PRUNE2: variants seen among roughly 807,000 people sequenced by gnomAD.
PRUNE2 encodes prune homolog 2 with BCH domain, also known as protein prune homolog 2.
In PRUNE2, 164 loss-of-function variants were observed where a neutral mutation model predicts 252.0. That is an observed-to-expected ratio of 0.65 (90% CI 0.57 to 0.74). The LOEUF is 0.74. Ranked by LOEUF, PRUNE2 falls within the 30% of genes least tolerant of loss-of-function variation. The probability of loss-of-function intolerance (pLI) is 0.00; values close to 1 mark genes in which losing one functional copy is unlikely to be tolerated. For synonymous variants in PRUNE2, 1,292 were observed against 1,350.2 expected (o/e 0.96, Z 0.94); for missense variants, 3,495 against 3,711.0 (o/e 0.94, Z 1.51).
chr9:76,719,450 T>C (rs2047432048), intron 6 of PRUNE2, among the ~76,000 whole-genome samples: 1 of 152,162 alleles, frequency 6.6e-6, no homozygotes, highest in South Asian at 2.1e-4. Flanking sequence ...TATTGGTAAA[T>C]ATTTCCAAAT....
At chr9:76,632,549 T>G (rs1490347499) in intron 15 of PRUNE2, among the ~76,000 whole-genome samples, 1 of 152,194 alleles carries the variant, frequency 6.6e-6, no homozygotes, top group Non-Finnish European at 1.5e-5. Context: ...TGAAGCCAGC[T>G]GCTGTCAGTT....
chr9:76,677,977 G>A (rs895266388), intron 9 of PRUNE2, among the ~76,000 whole-genome samples: 3 of 152,192 alleles, frequency 2.0e-5, no homozygotes, highest in African/African-American at 7.2e-5. Context: ...ATATCTTTAT[G>A]CCAGCGTTTG....
chr9:76,653,490 G>A (rs1413797832), intron 10 of PRUNE2, among the ~76,000 whole-genome samples: 1 of 152,046 alleles, frequency 6.6e-6, no homozygotes, highest in Non-Finnish European at 1.5e-5. Flanking sequence ...AAAAAAGTTT[G>A]TACATGTTCA....
chr9:76,639,981 C>G (rs1223073089), intron 12 of PRUNE2, among the ~76,000 whole-genome samples: 2 of 152,162 alleles, frequency 1.3e-5, no homozygotes, highest in African/African-American at 2.4e-5. Flanking sequence ...GTCAGACCCC[C>G]ACAGGTAACT....
At chr9:76,792,037 C>T (rs1475149573) in intron 6 of PRUNE2, among the ~76,000 whole-genome samples, 1 of 152,004 alleles carries the variant, frequency 6.6e-6, no homozygotes, top group Admixed American at 6.5e-5. Context: ...GTTTCCTGTG[C>T]CTTTGTGCGA....
At chr9:76,732,057 G>A (rs1009391949) in intron 6 of PRUNE2, among the ~76,000 whole-genome samples, 1 of 152,214 alleles carries the variant, frequency 6.6e-6, no homozygotes, top group Non-Finnish European at 1.5e-5. Context: ...GCTCACGCCT[G>A]TAATCCCAGC....
Position 76,704,985 on chromosome 9 carries a change from A to G in PRUNE2, c.7289T>C (p.Val2430Ala), listed in dbSNP as rs757932353. ...TCTTCGATCAGGAAGTGCAGAAAGC[A>G]CTATCTCTGCTGCTCTGCATCCCAG... The part of the protein sequence containing the change: ...ESLGCRAAEI[V>A]LSALPDRRSE... Residue 2430 changes from valine to alanine, a missense_variant, in exon 8 of 19, where the codon GTG becomes GCG. Transcript: ENST00000376718. The G allele has an allele frequency of 1.9e-6, 3 of 1,613,654 alleles. No individual in the cohort carries two copies. The South Asian group carries it at 3.3e-5, about 18-fold the overall frequency.
rs145974400 is a variant in PRUNE2, at chr9:76,807,801, G to A, written c.756+15831C>T. On this transcript the variant is annotated intron_variant, in intron 6 of 18. Transcript: ENST00000376718. The stretch of plus-strand genomic sequence containing the variant: ...TTAGGGAGAATTAACTAAAGCTCTC[G>A]TCCCACTGGAAGCTGGGTAGCAGAA... Among the ~76,000 whole-genome samples, 507 of 152,308 alleles carry A rather than the reference G, an allele frequency of 3.3e-3. 4 individuals are homozygous for A. The highest frequency in any genetic ancestry group is 4.3e-3 in the Non-Finnish European group (294 of 68,030).
At chr9:76,676,324 G>A (rs1415215378) in intron 9 of PRUNE2, among the ~76,000 whole-genome samples, 7 of 148,274 alleles carry the variant, frequency 4.7e-5, no homozygotes, top group Non-Finnish European at 1.0e-4. Flanking sequence ...ATCAGTAAGG[G>A]AATGATTAAA....
chr9:76,849,924 A>G (rs2059866324), intron 3 of PRUNE2, among the ~76,000 whole-genome samples: 1 of 152,208 alleles, frequency 6.6e-6, no homozygotes, highest in Non-Finnish European at 1.5e-5. Context: ...TGAAATGCAA[A>G]AGTAAAAATG....
chr9:76,743,465 C>G (rs1369003521), intron 6 of PRUNE2, among the ~76,000 whole-genome samples: 1 of 152,144 alleles, frequency 6.6e-6, no homozygotes, highest in Non-Finnish European at 1.5e-5. Context: ...CTGACCGTCC[C>G]TCTATGGGGA....
chr9:76,886,884 G>A (rs1182585431), intron 1 of PRUNE2, among the ~76,000 whole-genome samples: 1 of 152,094 alleles, frequency 6.6e-6, no homozygotes, highest in Non-Finnish European at 1.5e-5. Flanking sequence ...AAAACTGGTG[G>A]TTTGGGGATT....
chr9:76,677,815 A>G lies in PRUNE2; in HGVS notation c.8277-22313T>C, dbSNP rs1486150002. 4.6e-5 allele frequency among the ~76,000 whole-genome samples: 7 copies of G among 152,128 alleles called. No homozygotes were observed. In the East Asian group the frequency reaches 1.3e-3, roughly 29 times the overall value. ...TGCAAGATCCGGGCAAATTCCTGGAATCCATTCCCCGAGGTCAGCATATGA... is the reference window on the plus strand; with the variant it reads ...TGCAAGATCCGGGCAAATTCCTGGAGTCCATTCCCCGAGGTCAGCATATGA... On this transcript the variant is annotated intron_variant, in intron 9 of 18. Transcript: ENST00000376718.
intron 6 of PRUNE2, among the ~76,000 whole-genome samples, chr9:76,746,711 C>CAAAAAAAA (rs57001696): frequency 2.1e-4 from 16 of 76,130 alleles, no homozygotes; most frequent in African/African-American, 6.9e-4. Context: ...GACTCCGTCT[C>CAAAAAAAA]AAAAAAAAAA....
intron 6 of PRUNE2, among the ~76,000 whole-genome samples, chr9:76,732,400 G>A (rs551413948): frequency 3.9e-5 from 6 of 152,306 alleles, no homozygotes; most frequent in South Asian, 2.1e-4. Flanking sequence ...GTCTATCATG[G>A]TCTAGAACCT....
Position 76,652,482 on chromosome 9 carries a change from C to G in PRUNE2, c.8557+1G>C. On this transcript the variant is annotated splice_donor_variant, in intron 11 of 18. Transcript: ENST00000376718. LOFTEE classifies it high-confidence loss of function. ...TTGGCCTTGCCAACTTAGTGACTTACCATGGCCAGTGTACTCAAAAGAATC... is the reference window on the plus strand; with the variant it reads ...TTGGCCTTGCCAACTTAGTGACTTAGCATGGCCAGTGTACTCAAAAGAATC... 1 of 1,608,754 alleles carries G rather than the reference C, an allele frequency of 6.2e-7. No individual in the cohort carries two copies. Among genetic ancestry groups the G allele is most frequent in the Non-Finnish European group, 8.5e-7 (1 of 1,175,610 alleles).
intron 1 of PRUNE2, among the ~76,000 whole-genome samples, chr9:76,891,568 C>A (rs1046025019): frequency 6.6e-6 from 1 of 152,200 alleles, no homozygotes; most frequent in African/African-American, 2.4e-5. Context: ...AAGCTTGATG[C>A]GTATGTTTTC....
chr9:76,742,082 G>C (rs1053506679), intron 6 of PRUNE2, among the ~76,000 whole-genome samples: 23 of 152,122 alleles, frequency 1.5e-4, no homozygotes, highest in Non-Finnish European at 1.2e-4. Flanking sequence ...ACTATTTTAA[G>C]GGAATCAGGA....
chr9:76,667,057 A>C (rs184243969), intron 9 of PRUNE2, among the ~76,000 whole-genome samples: 67 of 152,298 alleles, frequency 4.4e-4, no homozygotes, highest in Non-Finnish European at 8.5e-4. Flanking sequence ...AAAAAAAAAG[A>C]AAATTCTCTT....
Sources: allele counts gnomAD v4.1 joint callset (sites outside exome capture counted in the v4.1 genomes callset), GRCh38; gene constraint gnomAD v4.1.1; transcripts MANE v1.5; gene names NCBI Gene and HGNC (gene_info 2026-07-23, HGNC 2026-07-21).